PRDM5: variants seen among roughly 807,000 people sequenced by gnomAD.
PRDM5 encodes the protein PR domain zinc finger protein 5.
A neutral mutation model predicts 81.2 loss-of-function variants in PRDM5; 56 were observed. The ratio of observed to expected loss-of-function variants is 0.69; its 90% CI spans 0.56 to 0.86. The LOEUF is 0.86. PRDM5 is among the 40% of genes least tolerant of loss of function. The pLI, the probability that PRDM5 is intolerant of heterozygous loss-of-function variation, is 0.00. For missense variants in PRDM5, 697 were observed against 770.1 expected, an observed-to-expected ratio of 0.91 and a Z score of 1.12; for synonymous variants, 267 against 256.4, an observed-to-expected ratio of 1.04 and a Z score of -0.39.
At chr4:120,829,619 T>C (rs1033331529) in intron 3 of PRDM5, among the ~76,000 whole-genome samples, 1 of 152,116 alleles carries the variant, frequency 6.6e-6, no homozygotes, top group African/African-American at 2.4e-5. Context: ...TTCAGCTGTA[T>C]CTGTATGTCG....
At chr4:120,710,834 T>A (rs1736861359) in intron 14 of PRDM5, among the ~76,000 whole-genome samples, 1 of 152,206 alleles carries the variant, frequency 6.6e-6, no homozygotes, top group African/African-American at 2.4e-5. Context: ...GTAGTGTCAA[T>A]TAAACCTCTT....
chr4:120,748,003 C>T (rs961946154), intron 14 of PRDM5, among the ~76,000 whole-genome samples: 2 of 152,148 alleles, frequency 1.3e-5, no homozygotes, highest in Non-Finnish European at 2.9e-5. Context: ...TTCTTTTGAA[C>T]CTAATGTTTA....
intron 2 of PRDM5, among the ~76,000 whole-genome samples, chr4:120,878,083 A>G (rs1384215732): frequency 2.0e-5 from 3 of 152,234 alleles, no homozygotes; most frequent in South Asian, 4.1e-4. Context: ...AGAGAGAATA[A>G]TACAATTTTT....
At chr4:120,880,403 T>G (rs898393198) in intron 2 of PRDM5, among the ~76,000 whole-genome samples, 1 of 152,128 alleles carries the variant, frequency 6.6e-6, no homozygotes, top group African/African-American at 2.4e-5. Flanking sequence ...AACAGACATA[T>G]AATGTAAACC....
intron 13 of PRDM5, 120 bp downstream of exon 13, chr4:120,777,068 A>T: frequency 6.4e-7 from 1 of 1,557,574 alleles, no homozygotes; most frequent in Non-Finnish European, 8.7e-7. Flanking sequence ...TAAGAGAGAG[A>T]AAACAGCCAA....
intron 4 of PRDM5, among the ~76,000 whole-genome samples, chr4:120,819,044 C>T (rs190290185): frequency 2.0e-5 from 3 of 152,142 alleles, no homozygotes; most frequent in Admixed American, 6.5e-5. Flanking sequence ...AATTTCTCAG[C>T]GTGCTATTTA....
intron 8 of PRDM5, 37 bp downstream of exon 8, chr4:120,811,333 T>C (rs1301547133): frequency 4.6e-6 from 6 of 1,290,786 alleles, no homozygotes; most frequent in African/African-American, 1.5e-5. Flanking sequence ...TTATTAAAGA[T>C]AGATATTAAA....
intron 2 of PRDM5, chr4:120,896,692 A>AAT (rs1561648471): frequency 2.1e-4 from 30 of 139,710 alleles, no homozygotes; most frequent in African/African-American, 7.0e-4. Flanking sequence ...CACACACATA[A>AAT]TTTTTTTTTT....
chr4:120,804,527 G>A (rs1324349546), intron 8 of PRDM5, among the ~76,000 whole-genome samples: 3 of 152,154 alleles, frequency 2.0e-5, no homozygotes, highest in Non-Finnish European at 4.4e-5. Context: ...AATCAAACTA[G>A]AACTCAGCAT....
chr4:120,795,588 C>CA (rs199790541), intron 10 of PRDM5, among the ~76,000 whole-genome samples: 1,294 of 111,146 alleles, frequency 0.012, 8 homozygotes, highest in African/African-American at 0.023. Flanking sequence ...ACTAAATTTT[C>CA]AAAAAAAAAA....
chr4:120,893,299 G>C (rs909927509), intron 2 of PRDM5, among the ~76,000 whole-genome samples: 1 of 152,178 alleles, frequency 6.6e-6, no homozygotes, highest in Non-Finnish European at 1.5e-5. Flanking sequence ...CTGGTGTCCA[G>C]CTTTATTCCT....
At chr4:120,819,658 C>G (rs994478589) in intron 4 of PRDM5, among the ~76,000 whole-genome samples, 2 of 151,934 alleles carry the variant, frequency 1.3e-5, no homozygotes, top group African/African-American at 4.8e-5. Flanking sequence ...ATAACTAAAG[C>G]AGAAATCAGG....
chr4:120,811,611 T>A (rs1429783526), intron 7 of PRDM5, among the ~76,000 whole-genome samples, 162 bp from the exon 8 acceptor site: 2 of 152,134 alleles, frequency 1.3e-5, no homozygotes. Context: ...AGTTATATTT[T>A]AAATCTTTTT....
chr4:120,837,101 G>T (rs762893069), intron 3 of PRDM5, among the ~76,000 whole-genome samples: 1 of 152,114 alleles, frequency 6.6e-6, no homozygotes. Flanking sequence ...TGCCATGCCT[G>T]ACTGTCAGTC....
chr4:120,909,633 A>C (rs1405154471), intron 1 of PRDM5, among the ~76,000 whole-genome samples: 1 of 149,576 alleles, frequency 6.7e-6, no homozygotes, highest in Non-Finnish European at 1.5e-5. Flanking sequence ...GAAAAAAAAA[A>C]GTGAATCTAT....
chr4:120,766,097 T>A (rs1456943172), intron 13 of PRDM5, among the ~76,000 whole-genome samples: 1 of 152,046 alleles, frequency 6.6e-6, no homozygotes, highest in Non-Finnish European at 1.5e-5. Flanking sequence ...GTAGCTGGGA[T>A]TGCAGGTGTG....
At position 120,754,688 on chromosome 4, in the gene PRDM5, C is replaced by G. The variant is rs375869865; in HGVS notation, c.1538-50G>C. ...TCAGAAAAACATGAAGTAGCAGAAC[C>G]AGTCCTGTGCTATCACTTCTCACAC... On this transcript the variant is annotated intron_variant, in intron 13 of 15. Transcript: ENST00000264808. 2.4e-6 allele frequency: 3 copies of G among 1,257,476 alleles called. No homozygotes were observed. The African/African-American group carries it at 4.4e-5, about 19-fold the overall frequency. 77.9% of individuals were successfully genotyped at this position (1,257,476 alleles called of 1,614,324 possible). A position where few individuals can be genotyped will look rare whatever the true frequency, so the allele number is the denominator to read the frequency against.
At chr4:120,709,801 AATTCC>A (rs1331976961) in intron 15 of PRDM5, among the ~76,000 whole-genome samples, 1 of 152,092 alleles carries the variant, frequency 6.6e-6, no homozygotes, top group Non-Finnish European at 1.5e-5. Flanking sequence ...TATGTCAAAT[AATTCC>A]ATTTCAATCC....
intron 15 of PRDM5, among the ~76,000 whole-genome samples, chr4:120,701,152 A>C (rs35096905): frequency 0.16 from 24,125 of 147,520 alleles, 2,446 homozygotes; most frequent in Non-Finnish European, 0.24. Context: ...AACAAACAAA[A>C]AAAAAAGAGG....
Sources: allele counts gnomAD v4.1 joint callset (sites outside exome capture counted in the v4.1 genomes callset), GRCh38; gene constraint gnomAD v4.1.1; transcripts MANE v1.5; gene names NCBI Gene and HGNC (gene_info 2026-07-23, HGNC 2026-07-21).